The following TALDO1 variants were observed in gnomAD, a reference collection of about 807,000 sequenced individuals.
TALDO1 encodes transaldolase 1.
A neutral mutation model predicts 38.1 loss-of-function variants in TALDO1; 29 were observed. The observed-to-expected ratio is 0.76, with a 90% confidence interval of 0.57 to 1.04. TALDO1 has a LOEUF of 1.04. Among genes scored for constraint, TALDO1 ranks in the 50% least tolerant of loss-of-function variants. TALDO1 has a pLI of 0.00. For missense variants in TALDO1, 499 were observed against 438.1 expected, an observed-to-expected ratio of 1.14 and a Z score of -1.24; for synonymous variants, 207 against 176.8, an observed-to-expected ratio of 1.17 and a Z score of -1.36.
intron 3 of TALDO1, among the ~76,000 whole-genome samples, chr11:759,388 G>A (rs1862894358): frequency 6.6e-6 from 1 of 151,866 alleles, no homozygotes. Flanking sequence ...AGCCTCCCAA[G>A]TAGCTGAGAT....
At chr11:755,286 A>G (rs1449934412) in intron 1 of TALDO1, among the ~76,000 whole-genome samples, 1 of 151,972 alleles carries the variant, frequency 6.6e-6, no homozygotes, top group East Asian at 1.9e-4. Flanking sequence ...CTGGGACTAC[A>G]GGTGCCGACC....
chr11:748,804 G>GC (rs1186712480), intron 1 of TALDO1, among the ~76,000 whole-genome samples: 12 of 152,098 alleles, frequency 7.9e-5, no homozygotes, highest in Admixed American at 2.0e-4. Context: ...CACACACACA[G>GC]CCCCCCCGTT....
chr11:763,765 A>G lies in TALDO1; in HGVS notation c.656A>G (p.Lys219Arg), dbSNP rs932808360. ...TTTCCAGGGGTAAAGAGTGTCACTA[A>G]AATCTACAACTACTACAAGAAGTTT... ...LEDPGVKSVT[K>R]IYNYYKKFSY... The change falls in exon 6 of 8, where the codon AAA (lysine) becomes AGA (arginine). Residue 219 changes from lysine (K) to arginine (R), a missense_variant. By Grantham distance (26) the Lys-to-Arg change is conservative (BLOSUM62 2). Transcript: ENST00000319006. 6.8e-6 allele frequency: 11 copies of G among 1,613,904 alleles called. No individual in the cohort carries two copies. In the Admixed American group the frequency reaches 1.2e-4, roughly 17 times the overall value.
intron 1 of TALDO1, among the ~76,000 whole-genome samples, chr11:750,721 A>C (rs1302718210): frequency 1.3e-5 from 2 of 151,942 alleles, no homozygotes; most frequent in Non-Finnish European, 2.9e-5. Flanking sequence ...GCTACTCGGG[A>C]GGCTGAGGCA....
rs752461515 is a variant in TALDO1 at position 747,493 on chromosome 11, A to C, written c.12A>C (p.Ser4=). The change falls in exon 1 of 8, where the codon TCA becomes TCC. Residue 4 remains serine (S), a synonymous_variant. Transcript: ENST00000319006. MSS[S]PVKRQRMESA... is the part of the protein sequence containing the mutation. The stretch of plus-strand genomic sequence containing the variant: ...CCCTCGGTCTTGCTATGTCGAGCTC[A>C]CCCGTGAAGCGTCAGAGGATGGAGT... 1 of 1,598,248 alleles carries C rather than the reference A, an allele frequency of 6.3e-7. No individual in the cohort carries two copies. The highest frequency in any genetic ancestry group is 1.1e-5 in the South Asian group (1 of 88,754).
At chr11:754,873 C>G (rs1351897918) in intron 1 of TALDO1, among the ~76,000 whole-genome samples, 1 of 152,150 alleles carries the variant, frequency 6.6e-6, no homozygotes, top group Non-Finnish European at 1.5e-5. Flanking sequence ...TGGGCTCAAG[C>G]GATCCTCCTG....
At chr11:757,380 C>T (rs935602532) in intron 2 of TALDO1, among the ~76,000 whole-genome samples, 2 of 151,146 alleles carry the variant, frequency 1.3e-5, no homozygotes, top group African/African-American at 4.9e-5. Flanking sequence ...GCAGCCTCTA[C>T]ATCCTAGGCT....
At chr11:748,994 G>A (rs1225193102) in intron 1 of TALDO1, among the ~76,000 whole-genome samples, 1 of 152,206 alleles carries the variant, frequency 6.6e-6, no homozygotes, top group Non-Finnish European at 1.5e-5. Context: ...CTGGTGCGGA[G>A]TGTCAGGTCC....
rs757626403 is a variant in TALDO1, at chr11:763,793, C to T, written c.684C>T (p.Ser228=). 6.2e-7 allele frequency: 1 copy of T among 1,614,102 alleles called. No individual in the cohort carries two copies. The highest frequency in any genetic ancestry group is 8.5e-7 in the Non-Finnish European group (1 of 1,180,032). The change falls in exon 6 of 8, where the codon AGC becomes AGT. Residue 228 remains serine, a synonymous_variant. Transcript: ENST00000319006. The part of the protein sequence containing the change: ...TKIYNYYKKF[S]YKTIVMGASF... Reference sequence around the variant, plus strand: ...TCTACAACTACTACAAGAAGTTTAGCTACAAAACCATTGTCATGGGCGCCT... The same window carrying T: ...TCTACAACTACTACAAGAAGTTTAGTTACAAAACCATTGTCATGGGCGCCT...
Position 758,079 on chromosome 11 carries a change from C to T in TALDO1, c.222-871C>T, listed in dbSNP as rs545056266. On this transcript the variant is annotated intron_variant, in intron 2 of 7. Coordinates refer to ENST00000319006, the MANE Select transcript of TALDO1 (RefSeq NM_006755.2). ...CAGGCGGATCACGAGGTCAGGAGATCGAGACCATCCTGGCTAACACGGTGA... is the reference window on the plus strand; with the variant it reads ...CAGGCGGATCACGAGGTCAGGAGATTGAGACCATCCTGGCTAACACGGTGA... Among the ~76,000 whole-genome samples, 5 of 152,326 alleles carry T rather than the reference C, an allele frequency of 3.3e-5. No homozygotes were observed. In the East Asian group the frequency reaches 5.8e-4, roughly 18 times the overall value.
intron 1 of TALDO1, among the ~76,000 whole-genome samples, chr11:748,379 C>T (rs1196636177): frequency 6.6e-6 from 1 of 151,422 alleles, no homozygotes; most frequent in East Asian, 1.9e-4. Context: ...TTTTCCTGGG[C>T]TTGAGTTGTT....
chr11:755,847 C>T (rs1862826370), intron 1 of TALDO1, 32 bp from the exon 2 acceptor site: 1 of 1,614,098 alleles, frequency 6.2e-7, no homozygotes, highest in Non-Finnish European at 8.5e-7. Flanking sequence ...AAGTACTCCA[C>T]TTACTTTGGC....
At chr11:748,750 C>T (rs945879547) in intron 1 of TALDO1, among the ~76,000 whole-genome samples, 3 of 152,184 alleles carry the variant, frequency 2.0e-5, no homozygotes, top group Non-Finnish European at 2.9e-5. Context: ...CAGTCTGCTC[C>T]GGACCCCTCT....
intron 4 of TALDO1, 21 bp from the exon 5 acceptor site, chr11:763,314 GCCCCGCCCT>G: frequency 3.5e-6 from 2 of 568,286 alleles, no homozygotes; most frequent in Non-Finnish European, 5.0e-6. Context: ...GCCCTCACCT[GCCCCGCCCT>G]CACCTGTCCC....
At chr11:763,709 G>A (rs199843055) in intron 5 of TALDO1, 38 bp from the exon 6 acceptor site, 375 of 1,611,128 alleles carry the variant, frequency 2.3e-4, no homozygotes, top group Non-Finnish European at 3.0e-4. Context: ...TGGTACCTCT[G>A]CCGAAGCCTT....
At chr11:747,681 G>T in intron 1 of TALDO1, 103 bp downstream of exon 1, 1 of 1,067,388 alleles carries the variant, frequency 9.4e-7, no homozygotes, top group Non-Finnish European at 1.3e-6. Context: ...CCGGGTGGCG[G>T]TGCCCCGGGC....
In TALDO1 at chr11:760,118, A is replaced by G. The variant is rs767287818; in HGVS notation, c.330-4A>G. On this transcript the variant is annotated splice_region_variant and splice_polypyrimidine_tract_variant and intron_variant, in intron 3 of 7. Coordinates refer to ENST00000319006, the MANE Select transcript of TALDO1 (RefSeq NM_006755.2). ...GAGGGGATGGGTTCTTCTTGCTCCT[A>G]CAGGCTCTCCTTTGATAAAGATGCG... 49 of 1,613,662 alleles carry G rather than the reference A, an allele frequency of 3.0e-5. No individual in the cohort carries two copies. The highest frequency in any genetic ancestry group is 1.7e-4 in the Middle Eastern group (1 of 6,026).
Position 763,824 on chromosome 11 carries a change from C to T in TALDO1, c.715C>T (p.Arg239Cys), listed in dbSNP as rs201836196. The T allele has an allele frequency of 3.0e-5, 49 of 1,614,074 alleles. No individual in the cohort carries two copies. Among genetic ancestry groups the T allele is most frequent in the Admixed American group, 3.0e-4 (18 of 60,026 alleles). ...AACCATTGTCATGGGCGCCTCCTTCCGCAACACGGGCGAGATCAAAGCACT... is the reference window on the plus strand; with the variant it reads ...AACCATTGTCATGGGCGCCTCCTTCTGCAACACGGGCGAGATCAAAGCACT... ...YKTIVMGASF[R>C]NTGEIKALAG... is the part of the protein sequence containing the mutation. The change falls in exon 6 of 8, where the codon CGC (arginine) becomes TGC (cysteine). Residue 239 changes from arginine (R) to cysteine (C), a missense_variant. By Grantham distance (180) the Arg-to-Cys change is radical. Coordinates refer to ENST00000319006, the MANE Select transcript of TALDO1 (RefSeq NM_006755.2).
At chr11:758,733 T>C (rs567483503) in intron 2 of TALDO1, among the ~76,000 whole-genome samples, 40 of 152,214 alleles carry the variant, frequency 2.6e-4, no homozygotes, top group African/African-American at 9.2e-4. Context: ...GCCTCCCTAG[T>C]AACTAGGACT....
Sources: gnomAD v4.1 joint callset for allele counts (sites outside exome capture counted in the v4.1 genomes callset) on GRCh38, gnomAD v4.1.1 for gene constraint, MANE v1.5 for transcripts, NCBI Gene and HGNC (gene_info 2026-07-23, HGNC 2026-07-21) for gene names.